Variants in PCDHGA5 observed in about 807,000 individuals in gnomAD.
PCDHGA5 encodes protocadherin gamma subfamily A, 5.
In PCDHGA5, 36 loss-of-function variants were observed where a neutral mutation model predicts 56.7. The ratio of observed to expected loss-of-function variants is 0.64; its 90% confidence interval spans 0.49 to 0.84. The LOEUF (loss-of-function observed/expected upper bound fraction) is 0.84. Among genes scored for constraint, PCDHGA5 ranks in the 40% least tolerant of loss-of-function variants. The pLI is 0.00. For synonymous variants in PCDHGA5, 563 were observed against 520.2 expected (o/e 1.08, Z -1.12); for missense variants, 1,305 against 1,201.5 (o/e 1.09, Z -1.27).
chr5:141,388,775 G>A (rs1187741321), intron 1 of PCDHGA5: 1 of 1,613,726 alleles, frequency 6.2e-7, no homozygotes, highest in Non-Finnish European at 8.5e-7. Context: ...CTAACACCGG[G>A]GAAATTACTG....
Position 141,477,099 on chromosome 5 carries a change from G to C in PCDHGA5, c.2422-17708G>C. On this transcript the variant is annotated intron_variant, in intron 1 of 3. Transcript: ENST00000518069. This position sits in a 1 kb window ranked among gnomAD's most constrained non-coding sequence, Gnocchi z 4.9. ...ATTTACATCCAGGCCAAAGACAAGG[G>C]CGCCAATCCCGAAGGAGCACATTGC... 6.2e-7 allele frequency: 1 copy of C among 1,614,256 alleles called. No individual in the cohort carries two copies. Among genetic ancestry groups the C allele is most frequent in the Non-Finnish European group, 8.5e-7 (1 of 1,180,054 alleles).
chr5:141,489,447 G>A lies in PCDHGA5; in HGVS notation c.2422-5360G>A. The A allele has an allele frequency of 5.6e-6, 9 of 1,614,134 alleles. No homozygotes were observed. The highest frequency in any genetic ancestry group is 7.6e-6 in the Non-Finnish European group (9 of 1,180,028). ...GCCGGCGGCTGCAATTGGGCTCTGA[G>A]GAGAATGGGCGCTATTTTTCCCTGA... On this transcript the variant is annotated intron_variant, in intron 1 of 3. Coordinates refer to ENST00000518069, the MANE Select transcript of PCDHGA5 (RefSeq NM_018918.3). This position sits in a 1 kb window ranked among gnomAD's most constrained non-coding sequence, Gnocchi z 4.5.
At chr5:141,383,731 A>T in intron 1 of PCDHGA5, 1 of 1,614,000 alleles carries the variant, frequency 6.2e-7, no homozygotes. Context: ...TGGGGAAGTG[A>T]CATATTCTTT....
In PCDHGA5 at chr5:141,512,470, T is replaced by G. The variant is rs2099884244; in HGVS notation, c.*1297T>G. On this transcript the variant is annotated 3_prime_UTR_variant, in exon 4 of 4. Transcript: ENST00000518069. ...TTCACCTTGCCAGGTGCCGTTTCTC[T>G]TCCGTGAAGGCCACTGCCCAGGTCC... 6.5e-6 allele frequency: 1 copy of G among 152,892 alleles called. No individual in the cohort carries two copies. The highest frequency in any genetic ancestry group is 2.1e-4 in the South Asian group (1 of 4,834). 9.5% of individuals were successfully genotyped at this position (152,892 alleles called of 1,614,324 possible).
chr5:141,384,119 C>G, intron 1 of PCDHGA5: 5 of 1,608,930 alleles, frequency 3.1e-6, no homozygotes, highest in Non-Finnish European at 4.2e-6. Context: ...TTGGTCACAA[C>G]CAAAAACTTG....
rs946798028 is a variant in PCDHGA5 at position 141,364,178 on chromosome 5, C to G, written c.-153C>G. 1.1e-6 allele frequency: 1 copy of G among 887,846 alleles called. No homozygotes were observed. The highest frequency in any genetic ancestry group is 3.6e-5 in the Admixed American group (1 of 27,520). The allele number at this position is 887,846 out of a possible 1,614,324, so 55.0% of individuals were successfully genotyped here. A position where few individuals can be genotyped will look rare whatever the true frequency, so the allele number is the denominator to read the frequency against. On this transcript the variant is annotated 5_prime_UTR_variant, in exon 1 of 4. Coordinates refer to ENST00000518069, the MANE Select transcript of PCDHGA5 (RefSeq NM_018918.3). ...CGCAGAGGCGACCCGACTCTGCTCC[C>G]TCCATACTAAACACACAGACCAGAC...
chr5:141,422,226 G>A (rs766346054), intron 1 of PCDHGA5: 1 of 1,565,844 alleles, frequency 6.4e-7, no homozygotes, highest in East Asian at 2.2e-5. Flanking sequence ...CCACCACGAC[G>A]ATGTTGATCA....
At chr5:141,387,570 A>T (rs1490079513) in intron 1 of PCDHGA5, 4 of 455,052 alleles carry the variant, frequency 8.8e-6, no homozygotes, top group Non-Finnish European at 1.2e-5. Flanking sequence ...CACAATTATA[A>T]TTATTGCACT....
chr5:141,450,592 T>G (rs1403924348), intron 1 of PCDHGA5, among the ~76,000 whole-genome samples: 1 of 151,838 alleles, frequency 6.6e-6, no homozygotes, highest in Non-Finnish European at 1.5e-5. Context: ...GTTCAAGCAA[T>G]TCTCCTGCCT....
chr5:141,419,084 GC>G (rs1218012099), intron 1 of PCDHGA5: 1 of 1,613,802 alleles, frequency 6.2e-7, no homozygotes, highest in African/African-American at 1.3e-5. Flanking sequence ...AACAGATGAG[GC>G]CCTGGATCGG....
At chr5:141,410,413 T>C (rs1229133377) in intron 1 of PCDHGA5, 10 of 1,613,938 alleles carry the variant, frequency 6.2e-6, no homozygotes, top group Non-Finnish European at 8.5e-6. Context: ...AGTCTGGACC[T>C]GTAGTTCCCC....
At position 141,389,178 on chromosome 5, in the gene PCDHGA5, T is replaced by G. The variant is rs1280956707; in HGVS notation, c.2421+22427T>G. 2 of 1,613,974 alleles carry G rather than the reference T, an allele frequency of 1.2e-6. No individual in the cohort carries two copies. The highest frequency in any genetic ancestry group is 1.7e-6 in the Non-Finnish European group (2 of 1,179,890). ...AGATCGGGGCAAGCCTCCCCTCTCC[T>G]CCAGTTCCAGCATCACCCTGCACAT... On this transcript the variant is annotated intron_variant, in intron 1 of 3. Coordinates refer to ENST00000518069, the MANE Select transcript of PCDHGA5 (RefSeq NM_018918.3).
chr5:141,409,278 A>C, intron 1 of PCDHGA5: 1 of 1,614,022 alleles, frequency 6.2e-7, no homozygotes, highest in Non-Finnish European at 8.5e-7. Flanking sequence ...ATTTTGGAGA[A>C]TTCACCTCCA....
At chr5:141,495,010 G>T (rs1327870362) in intron 2 of PCDHGA5, 145 bp downstream of exon 2, 1 of 1,516,970 alleles carries the variant, frequency 6.6e-7, no homozygotes, top group Non-Finnish European at 8.9e-7. Flanking sequence ...GTGTGCGGGG[G>T]GCTGGCACAC....
intron 1 of PCDHGA5, chr5:141,393,347 C>A: frequency 6.2e-7 from 1 of 1,613,980 alleles, no homozygotes; most frequent in Non-Finnish European, 8.5e-7. Context: ...ATCACCACTT[C>A]TCCCTGGACG....
chr5:141,401,888 TTC>T (rs1281227155), intron 1 of PCDHGA5, among the ~76,000 whole-genome samples: 3 of 152,232 alleles, frequency 2.0e-5, no homozygotes, highest in Non-Finnish European at 2.9e-5. Flanking sequence ...ATATTTTGTG[TTC>T]TTTTTCCCAA....
intron 1 of PCDHGA5, chr5:141,403,058 C>T (rs1264463559): frequency 1.9e-6 from 3 of 1,613,942 alleles, no homozygotes; most frequent in African/African-American, 2.7e-5. Context: ...CTACTCAGTG[C>T]CTGAAGAGAC....
At chr5:141,463,738 G>A (rs1002263384) in intron 1 of PCDHGA5, among the ~76,000 whole-genome samples, 4 of 151,978 alleles carry the variant, frequency 2.6e-5, no homozygotes, top group Admixed American at 2.6e-4. Flanking sequence ...GAGCCACCGC[G>A]CCCGGCCTGC....
chr5:141,419,744 G>C (rs760207269), intron 1 of PCDHGA5: 1 of 1,613,896 alleles, frequency 6.2e-7, no homozygotes, highest in Non-Finnish European at 8.5e-7. Context: ...GGTGCGCATG[G>C]TGCGTGCTTT....
Sources: gnomAD v4.1 joint callset for allele counts (sites outside exome capture counted in the v4.1 genomes callset) on GRCh38, gnomAD v4.1.1 for gene constraint, Gnocchi (gnomAD v3.1) non-coding constraint, MANE v1.5 for transcripts, NCBI Gene and HGNC (gene_info 2026-07-23, HGNC 2026-07-21) for gene names.